Variants in STK32C observed in about 807,000 individuals in gnomAD.
STK32C encodes serine/threonine-protein kinase 32C.
In STK32C, 31 loss-of-function variants were observed where a neutral mutation model predicts 56.5. The observed-to-expected ratio is 0.55, with a 90% CI of 0.41 to 0.74. The LOEUF (loss-of-function observed/expected upper bound fraction) is 0.74, where lower values mean the gene tolerates loss of function less well. Ranked by LOEUF, STK32C falls within the 30% of genes least tolerant of loss-of-function variation. The pLI, the probability that STK32C is intolerant of heterozygous loss-of-function variation, is 0.00. For missense variants in STK32C, 544 were observed against 676.9 expected, an observed-to-expected ratio of 0.80 and a Z score of 2.18; for synonymous variants, 309 against 289.4, an observed-to-expected ratio of 1.07 and a Z score of -0.69.
chr10:132,249,369 C>G (rs1056040528), intron 1 of STK32C, among the ~76,000 whole-genome samples: 1 of 152,184 alleles, frequency 6.6e-6, no homozygotes, highest in Non-Finnish European at 1.5e-5. Flanking sequence ...AAGTCCAAGA[C>G]AGCCATGCAG....
In STK32C at chr10:132,261,989, G is replaced by A. The variant is rs561085695; in HGVS notation, c.263-16034C>T. On this transcript the variant is annotated intron_variant, in intron 1 of 11. Coordinates refer to ENST00000298630, the MANE Select transcript of STK32C (RefSeq NM_173575.4). ...AAAAATGAGCTCAAATAGCCAAAGC[G>A]ATCCTAAGAAAAAAGAACAAAGCTG... Among the ~76,000 whole-genome samples, 21 of 152,184 alleles carry A rather than the reference G, an allele frequency of 1.4e-4. 1 individual carries two copies. The South Asian group carries it at 2.9e-3, about 21-fold the overall frequency.
intron 1 of STK32C, among the ~76,000 whole-genome samples, chr10:132,263,054 A>G (rs190180326): frequency 6.6e-6 from 1 of 152,362 alleles, no homozygotes; most frequent in East Asian, 1.9e-4. Flanking sequence ...CTCAAAAAAT[A>G]TAGAACTACC....
chr10:132,221,450 A>G (rs1391768401), intron 10 of STK32C, among the ~76,000 whole-genome samples: 2 of 141,924 alleles, frequency 1.4e-5, no homozygotes, highest in Non-Finnish European at 1.5e-5. Flanking sequence ...CCCTGCACAC[A>G]CTCACAACTG....
intron 1 of STK32C, among the ~76,000 whole-genome samples, chr10:132,279,279 C>T (rs961195107): frequency 1.2e-4 from 18 of 152,146 alleles, no homozygotes; most frequent in Admixed American, 1.2e-3. Flanking sequence ...GGTGACATGA[C>T]CATGTTACGG....
At chr10:132,264,548 G>A (rs571161880) in intron 1 of STK32C, among the ~76,000 whole-genome samples, 1 of 152,212 alleles carries the variant, frequency 6.6e-6, no homozygotes, top group Non-Finnish European at 1.5e-5. Context: ...AACGGCCTCA[G>A]GGAGAGGAGG....
upstream of STK32C, among the ~76,000 whole-genome samples, chr10:132,308,917 C>A (rs112713397): frequency 0.034 from 5,224 of 152,310 alleles, 123 homozygotes; most frequent in Non-Finnish European, 0.053. Context: ...CTGCCCCTGG[C>A]GCTTGTCACT....
chr10:132,256,135 C>G (rs945883548), intron 1 of STK32C, among the ~76,000 whole-genome samples: 7 of 152,228 alleles, frequency 4.6e-5, no homozygotes, highest in Admixed American at 6.5e-5. Context: ...ATGCCCTCAC[C>G]CTGTCTTTTC....
intron 1 of STK32C, among the ~76,000 whole-genome samples, chr10:132,303,622 A>C (rs2065974080): frequency 2.0e-5 from 3 of 152,262 alleles, no homozygotes; most frequent in Admixed American, 6.5e-5. Context: ...CAATTCAAAA[A>C]GTGTGGAAAC....
intron 2 of STK32C, among the ~76,000 whole-genome samples, chr10:132,236,433 G>C (rs972014938): frequency 2.0e-5 from 3 of 152,226 alleles, no homozygotes; most frequent in Non-Finnish European, 4.4e-5. Context: ...GCAGGTGGCA[G>C]CCCCACCGTG....
Position 132,224,388 on chromosome 10 carries a change from C to T in STK32C, c.993+19G>A, listed in dbSNP as rs886152262. ...GGTGGGTGCTCGGAGGGTGAGGAGG[C>T]TCAGGGATGGGGGCTCACCTTCCGC... On this transcript the variant is annotated intron_variant, in intron 8 of 11. Transcript: ENST00000298630. 12 of 1,536,924 alleles carry T rather than the reference C, an allele frequency of 7.8e-6. No individual in the cohort carries two copies. The South Asian group carries it at 1.2e-4, about 15-fold the overall frequency.
intron 10 of STK32C, among the ~76,000 whole-genome samples, chr10:132,216,900 G>A (rs913147402): frequency 6.6e-6 from 1 of 152,240 alleles, no homozygotes; most frequent in African/African-American, 2.4e-5. Flanking sequence ...GGATGTCCAG[G>A]CAGAAGTTTG....
upstream of STK32C, among the ~76,000 whole-genome samples, chr10:132,308,458 G>A (rs1393977391): frequency 6.6e-6 from 1 of 152,128 alleles, no homozygotes; most frequent in Non-Finnish European, 1.5e-5. Flanking sequence ...CTTCTGCTTT[G>A]CGCAGGGTGA....
chr10:132,257,408 A>G (rs1309943584), intron 1 of STK32C, among the ~76,000 whole-genome samples: 1 of 152,060 alleles, frequency 6.6e-6, no homozygotes, highest in African/African-American at 2.4e-5. Context: ...ACAGGCCCCT[A>G]GGCCAGCGGG....
rs1201270571 is a variant in STK32C at position 132,255,646 on chromosome 10, C to A, written c.263-9691G>T. Among the ~76,000 whole-genome samples the A allele has an allele frequency of 1.3e-5, 2 of 152,162 alleles. No homozygotes were observed. Among genetic ancestry groups the A allele is most frequent in the Non-Finnish European group, 2.9e-5 (2 of 68,020 alleles). ...CCCTGCAGGAAGCAGGTCCCTCAAC[C>A]CTTGCTGAGCCCCACGCGGTTTCCT... On this transcript the variant is annotated intron_variant, in intron 1 of 11. Coordinates refer to ENST00000298630, the MANE Select transcript of STK32C (RefSeq NM_173575.4). This position sits in a 1 kb window ranked among gnomAD's most constrained non-coding sequence, Gnocchi z 4.6.
intron 1 of STK32C, among the ~76,000 whole-genome samples, chr10:132,325,323 C>T (rs554599110): frequency 1.3e-5 from 2 of 152,178 alleles, no homozygotes; most frequent in South Asian, 2.1e-4. Context: ...GAAGCCAAGA[C>T]GGGTGGATCA....
rs886064742 is a variant in STK32C, at chr10:132,255,746, C to T, written c.263-9791G>A. ...GGAGAGGGGATGAGGGTGTGGGTGC[C>T]GGCCTCTGACCCTGGACTCCTCAGT... On this transcript the variant is annotated intron_variant, in intron 1 of 11. Transcript: ENST00000298630. This position sits in a 1 kb window ranked among gnomAD's most constrained non-coding sequence, Gnocchi z 4.6. 4.6e-5 allele frequency among the ~76,000 whole-genome samples: 7 copies of T among 152,188 alleles called. 1 individual carries two copies. Among genetic ancestry groups the T allele is most frequent in the Non-Finnish European group, 7.4e-5 (5 of 68,026 alleles).
chr10:132,248,850 C>T (rs1157910793), intron 1 of STK32C, among the ~76,000 whole-genome samples: 1 of 152,198 alleles, frequency 6.6e-6, no homozygotes, highest in Non-Finnish European at 1.5e-5. Flanking sequence ...AAGCCTCTGG[C>T]CCCCGAGCTG....
chr10:132,299,851 G>A (rs1296572587), intron 1 of STK32C, among the ~76,000 whole-genome samples: 1 of 152,262 alleles, frequency 6.6e-6, no homozygotes, highest in Non-Finnish European at 1.5e-5. Flanking sequence ...CACAAGAGCC[G>A]CCAGGAACAG....
chr10:132,262,031 G>A (rs1436059038), intron 1 of STK32C, among the ~76,000 whole-genome samples: 2 of 152,118 alleles, frequency 1.3e-5, no homozygotes, highest in African/African-American at 4.8e-5. Flanking sequence ...TCACATTACT[G>A]GACTTCAAAC....
Sources: allele counts gnomAD v4.1 joint callset (sites outside exome capture counted in the v4.1 genomes callset), GRCh38; gene constraint gnomAD v4.1.1; non-coding constraint Gnocchi (gnomAD v3.1); transcripts MANE v1.5; gene names NCBI Gene and HGNC (gene_info 2026-07-23, HGNC 2026-07-21).